ZKSCAN1: variants seen among roughly 807,000 people sequenced by gnomAD.
The protein encoded by ZKSCAN1 is zinc finger with KRAB and SCAN domains 1, also known as zinc finger protein with KRAB and SCAN domains 1.
ZKSCAN1 carries 14 observed loss-of-function variants against 51.6 expected under a neutral mutation model. The ratio of observed to expected loss-of-function variants is 0.27; its 90% CI spans 0.18 to 0.42. ZKSCAN1 has a LOEUF of 0.42. Ranked by LOEUF, ZKSCAN1 falls within the 10% of genes least tolerant of loss-of-function variation. The probability of loss-of-function intolerance (pLI) is 1.00; values close to 1 mark genes in which losing one functional copy is unlikely to be tolerated. For missense variants in ZKSCAN1, 531 were observed against 710.0 expected, an observed-to-expected ratio of 0.75 and a Z score of 2.86; for synonymous variants, 263 against 261.5, an observed-to-expected ratio of 1.01 and a Z score of -0.06.
chr7:100,017,881 C>T (rs1017065312), intron 1 of ZKSCAN1, among the ~76,000 whole-genome samples: 3 of 152,190 alleles, frequency 2.0e-5, no homozygotes, highest in African/African-American at 7.2e-5. Flanking sequence ...TTCACTATTA[C>T]AGGAGTTGTC....
At chr7:100,027,263 T>G (rs1310974599) in intron 3 of ZKSCAN1, among the ~76,000 whole-genome samples, 2 of 144,620 alleles carry the variant, frequency 1.4e-5, no homozygotes, top group African/African-American at 5.2e-5. Flanking sequence ...TCCTCTGCAC[T>G]CCAGCCTGGG....
Position 100,033,812 on chromosome 7 carries a change from A to G in ZKSCAN1, c.1307A>G (p.Asn436Ser), listed in dbSNP as rs1427465321. 2 of 1,614,076 alleles carry G rather than the reference A, an allele frequency of 1.2e-6. No individual in the cohort carries two copies. Among genetic ancestry groups the G allele is most frequent in the Non-Finnish European group, 8.5e-7 (1 of 1,180,052 alleles). ...ACAGGAGAGAAACCTCATGAATGTA[A>G]CGAGTGTGGCAAGGCCTTCAGCCAC... Reference protein sequence around the residue: ...IHTGEKPHECNECGKAFSHSS... With the variant: ...IHTGEKPHECSECGKAFSHSS... The change falls in exon 6 of 6, where the codon AAC becomes AGC. Residue 436 changes from asparagine to serine, a missense_variant. This residue lies in a region of ZKSCAN1 where 128 missense variants were observed against 219.5 expected (regional missense o/e 0.58). Transcript: ENST00000324306. This position sits in a 1 kb window ranked among gnomAD's most constrained non-coding sequence, Gnocchi z 4.1.
In ZKSCAN1 at chr7:100,035,804, A is replaced by C. The variant is rs550501267; in HGVS notation, c.*1607A>C. 6 of 983,286 alleles carry C rather than the reference A, an allele frequency of 6.1e-6. No individual in the cohort carries two copies. The South Asian group carries it at 2.4e-4, about 39-fold the overall frequency. The allele number at this position is 983,286 out of a possible 1,614,324, so 60.9% of individuals were successfully genotyped here. A position where few individuals can be genotyped will look rare whatever the true frequency, so the allele number is the denominator to read the frequency against. On this transcript the variant is annotated 3_prime_UTR_variant, in exon 6 of 6. Transcript: ENST00000324306. ...GTCCCATCGTTGTGCGCAGGGTGCA[A>C]CTGGCTACCTAGAAGCTGATGGCAG... is the stretch of plus-strand genomic sequence containing the variant.
Position 100,023,754 on chromosome 7 carries a change from A to G in ZKSCAN1, c.248A>G (p.Gln83Arg). ...AGTCGGCTGAAGGAACTTTGTCATC[A>G]GTGGCTGCGGCCAGAAATAAACACC... ...ALSRLKELCH[Q>R]WLRPEINTKE... Residue 83 changes from glutamine to arginine, a missense_variant, in exon 2 of 6, where the codon CAG becomes CGG. Gln to Arg is a conservative substitution (Grantham distance 43). Around this residue, in one of 2 missense-constraint regions of ZKSCAN1, gnomAD observed 403 missense variants for 490.5 expected, o/e 0.82. Transcript: ENST00000324306. 3 of 1,614,200 alleles carry G rather than the reference A, an allele frequency of 1.9e-6. No homozygotes were observed. Among genetic ancestry groups the G allele is most frequent in the South Asian group, 2.2e-5 (2 of 91,082 alleles).
At chr7:100,018,536 C>A (rs910912988) in intron 1 of ZKSCAN1, among the ~76,000 whole-genome samples, 1 of 151,898 alleles carries the variant, frequency 6.6e-6, no homozygotes, top group African/African-American at 2.4e-5. Flanking sequence ...CTACAGGCGC[C>A]CGCCACCACA....
At chr7:100,029,037 G>C (rs1020996185) in intron 3 of ZKSCAN1, among the ~76,000 whole-genome samples, 2 of 151,948 alleles carry the variant, frequency 1.3e-5, no homozygotes, top group African/African-American at 4.8e-5. Flanking sequence ...GGTGGCTCAT[G>C]CCTGTAATCC....
intron 1 of ZKSCAN1, among the ~76,000 whole-genome samples, chr7:100,021,906 G>T (rs1224154750): frequency 6.6e-6 from 1 of 151,830 alleles, no homozygotes; most frequent in Non-Finnish European, 1.5e-5. Context: ...CCCATGCCCA[G>T]CTAATTTTTT....
At chr7:100,018,642 C>T (rs1003434294) in intron 1 of ZKSCAN1, among the ~76,000 whole-genome samples, 6 of 152,168 alleles carry the variant, frequency 3.9e-5, no homozygotes, top group African/African-American at 1.4e-4. Flanking sequence ...CCACCTCAGC[C>T]TCCCAAAGTG....
At position 100,039,393 on chromosome 7, in the gene ZKSCAN1, G is replaced by C; in HGVS notation, c.*5196G>C. 1 of 985,402 alleles carries C rather than the reference G, an allele frequency of 1.0e-6. No individual in the cohort carries two copies. Among genetic ancestry groups the C allele is most frequent in the Non-Finnish European group, 1.2e-6 (1 of 829,956 alleles). 61.0% of individuals were successfully genotyped at this position (985,402 alleles called of 1,614,324 possible). On this transcript the variant is annotated 3_prime_UTR_variant, in exon 6 of 6. Transcript: ENST00000324306. ...TGGGCATTTCCCGGAATTGTGTGCA[G>C]ATGCATCCAGTCGTGGCATTGCAAG... is the stretch of plus-strand genomic sequence containing the variant.
In ZKSCAN1 at chr7:100,039,875, G is replaced by T; in HGVS notation, c.*5678G>T. 1.0e-6 allele frequency: 1 copy of T among 984,946 alleles called. No homozygotes were observed. Among genetic ancestry groups the T allele is most frequent in the Non-Finnish European group, 1.2e-6 (1 of 829,558 alleles). The allele number at this position is 984,946 out of a possible 1,614,324, so 61.0% of individuals were successfully genotyped here. On this transcript the variant is annotated 3_prime_UTR_variant, in exon 6 of 6. Transcript: ENST00000324306. ...TAGAATCAGAGAAAAAGAAAAGTCA[G>T]TGATATAAATAGATCATTTCATAGA...
chr7:100,033,425 A>G lies in ZKSCAN1; in HGVS notation c.920A>G (p.Gln307Arg). Residue 307 changes from glutamine to arginine, a missense_variant, in exon 6 of 6, where the codon CAG becomes CGG. Coordinates refer to ENST00000324306, the MANE Select transcript of ZKSCAN1 (RefSeq NM_003439.4). The surrounding 1 kb of genome is among the most constrained non-coding windows in gnomAD (Gnocchi z 4.1). ...AAAGAGTTTGGAGAGAAACGTGACC[A>G]GGAGGGCAAAACAGGAGAAAGACAG... ...SQKEFGEKRD[Q>R]EGKTGERQQK... 1 of 1,614,122 alleles carries G rather than the reference A, an allele frequency of 6.2e-7. No homozygotes were observed. Among genetic ancestry groups the G allele is most frequent in the African/African-American group, 1.3e-5 (1 of 75,000 alleles).
chr7:100,039,670 T>C lies in ZKSCAN1; in HGVS notation c.*5473T>C. 1 of 985,452 alleles carries C rather than the reference T, an allele frequency of 1.0e-6. No individual in the cohort carries two copies. The highest frequency in any genetic ancestry group is 1.2e-6 in the Non-Finnish European group (1 of 829,954). 61.0% of individuals were successfully genotyped at this position (985,452 alleles called of 1,614,324 possible). ...TCATCCTACCATCCTCATGGAAGAC[T>C]GTGTGTATGAATTGGAGTAACAGAA... On this transcript the variant is annotated 3_prime_UTR_variant, in exon 6 of 6. Transcript: ENST00000324306.
At position 100,037,152 on chromosome 7, in the gene ZKSCAN1, G is replaced by A. The variant is rs907812284; in HGVS notation, c.*2955G>A. 1.3e-5 allele frequency: 13 copies of A among 985,408 alleles called. No individual in the cohort carries two copies. The highest frequency in any genetic ancestry group is 1.4e-5 in the Non-Finnish European group (12 of 829,928). The allele number at this position is 985,408 out of a possible 1,614,324, so 61.0% of individuals were successfully genotyped here. On this transcript the variant is annotated 3_prime_UTR_variant, in exon 6 of 6. Transcript: ENST00000324306. ...AATTGGGTCATGGTCAAAAACGCTT[G>A]CAACATCTAATTGGCGTTCAAGATA... is the stretch of plus-strand genomic sequence containing the variant.
intron 3 of ZKSCAN1, among the ~76,000 whole-genome samples, chr7:100,028,794 CAAA>C (rs56779174): frequency 1.2e-5 from 1 of 83,086 alleles, no homozygotes; most frequent in African/African-American, 5.3e-5. Flanking sequence ...TACATCTTAT[CAAA>C]AAAAAAAAAA....
intron 3 of ZKSCAN1, among the ~76,000 whole-genome samples, chr7:100,028,024 T>G (rs1378513702): frequency 7.2e-5 from 11 of 152,120 alleles, no homozygotes; most frequent in Non-Finnish European, 1.6e-4. Context: ...CTTATTTGTT[T>G]TCCAGAGTGT....
At chr7:100,023,956 T>C (rs34766893) in intron 2 of ZKSCAN1, 24 bp downstream of exon 2, 5 of 1,552,278 alleles carry the variant, frequency 3.2e-6, no homozygotes, top group African/African-American at 1.4e-5. Context: ...AAACCTATTA[T>C]GTGTGAGCAG....
At position 100,033,994 on chromosome 7, in the gene ZKSCAN1, G is replaced by C; in HGVS notation, c.1489G>C (p.Ala497Pro). Reference protein sequence around the residue: ...KPYECSECGKAFNRNSYLILH... With the variant: ...KPYECSECGKPFNRNSYLILH... ...CTATGAATGTAGTGAATGTGGAAAA[G>C]CTTTCAACCGAAACTCATACCTGAT... Residue 497 changes from alanine to proline, a missense_variant, in exon 6 of 6, where the codon GCT (alanine) becomes CCT (proline). By Grantham distance (27) the Ala-to-Pro change is conservative. This residue lies in a region of ZKSCAN1 where 128 missense variants were observed against 219.5 expected (regional missense o/e 0.58). Transcript: ENST00000324306. The surrounding 1 kb of genome is among the most constrained non-coding windows in gnomAD (Gnocchi z 4.1). 1 of 1,614,186 alleles carries C rather than the reference G, an allele frequency of 6.2e-7. No homozygotes were observed. Among genetic ancestry groups the C allele is most frequent in the Non-Finnish European group, 8.5e-7 (1 of 1,180,026 alleles).
At position 100,019,289 on chromosome 7, in the gene ZKSCAN1, C is replaced by G. The variant is rs181953027; in HGVS notation, c.-89+3563C>G. 2.1e-3 allele frequency: 318 copies of G among 152,392 alleles called. 3 individuals carry two copies. In the Middle Eastern group the frequency reaches 0.044, roughly 21 times the overall value. The allele number at this position is 152,392 out of a possible 1,614,324, so 9.4% of individuals were successfully genotyped here. A position where few individuals can be genotyped will look rare whatever the true frequency, so the allele number is the denominator to read the frequency against. On this transcript the variant is annotated intron_variant, in intron 1 of 5. Coordinates refer to ENST00000324306, the MANE Select transcript of ZKSCAN1 (RefSeq NM_003439.4). ...TGGCGCGTTCTCAGCTCACTGCACCCTCCACCTCCCAGGTTCAAGTGATTC... is the reference window on the plus strand; with the variant it reads ...TGGCGCGTTCTCAGCTCACTGCACCGTCCACCTCCCAGGTTCAAGTGATTC...
Position 100,030,276 on chromosome 7 carries a change from G to C in ZKSCAN1, c.700G>C (p.Val234Leu). Residue 234 changes from valine to leucine, a missense_variant, in exon 5 of 6, where the codon GTG (valine) becomes CTG (leucine). Coordinates refer to ENST00000324306, the MANE Select transcript of ZKSCAN1 (RefSeq NM_003439.4). ...QAMVKIEDMA[V>L]SLILEEWGCQ... is the part of the protein sequence containing the mutation. Reference sequence around the variant, plus strand: ...AATGGTGAAGATCGAGGACATGGCTGTGTCCCTCATTCTGGAGGAATGGGG... The same window carrying C: ...AATGGTGAAGATCGAGGACATGGCTCTGTCCCTCATTCTGGAGGAATGGGG... 6.2e-7 allele frequency: 1 copy of C among 1,614,162 alleles called. No individual in the cohort carries two copies. The highest frequency in any genetic ancestry group is 8.5e-7 in the Non-Finnish European group (1 of 1,180,026).
Sources: gnomAD v4.1 joint callset for allele counts (sites outside exome capture counted in the v4.1 genomes callset) on GRCh38, gnomAD v4.1.1 for gene constraint, gnomAD v4.1.1 regional missense constraint, Gnocchi (gnomAD v3.1) non-coding constraint, MANE v1.5 for transcripts, NCBI Gene and HGNC (gene_info 2026-07-23, HGNC 2026-07-21) for gene names.